Variants in PEBP4 observed in about 807,000 individuals in gnomAD.
PEBP4 encodes the protein phosphatidylethanolamine binding protein 4, also known as phosphatidylethanolamine-binding protein 4.
In PEBP4, 22 loss-of-function variants were observed where a neutral mutation model predicts 23.9. That is an observed-to-expected ratio of 0.92 (90% CI 0.66 to 1.31). PEBP4 has a LOEUF of 1.31. Among genes scored for constraint, PEBP4 ranks in the 40% most tolerant of loss-of-function variants. The pLI is 0.00. For synonymous variants in PEBP4, 112 were observed against 99.3 expected (o/e 1.13, Z -0.76); for missense variants, 324 against 281.7 (o/e 1.15, Z -1.07).
At chr8:22,769,798 C>G (rs187452581) in intron 4 of PEBP4, among the ~76,000 whole-genome samples, 1 of 152,216 alleles carries the variant, frequency 6.6e-6, no homozygotes. Context: ...GAAATATGCT[C>G]AGTGTAGAAA....
At chr8:22,764,458 G>A (rs1159194456) in intron 4 of PEBP4, among the ~76,000 whole-genome samples, 3 of 152,286 alleles carry the variant, frequency 2.0e-5, no homozygotes, top group Admixed American at 6.5e-5. Flanking sequence ...ACTGTGCACC[G>A]CGTATGCCAG....
intron 4 of PEBP4, among the ~76,000 whole-genome samples, chr8:22,796,850 A>C (rs912617081): frequency 6.6e-6 from 1 of 152,120 alleles, no homozygotes; most frequent in Non-Finnish European, 1.5e-5. Context: ...TACAATGTAC[A>C]CTATTTGGGT....
chr8:22,793,251 A>T (rs938616842), intron 4 of PEBP4, among the ~76,000 whole-genome samples: 3 of 151,988 alleles, frequency 2.0e-5, no homozygotes, highest in African/African-American at 4.8e-5. Context: ...ACCTTCAACC[A>T]TTTTAATGGT....
intron 3 of PEBP4, among the ~76,000 whole-genome samples, chr8:22,825,683 A>G (rs1013132133): frequency 6.6e-6 from 1 of 152,194 alleles, no homozygotes; most frequent in Admixed American, 6.5e-5. Flanking sequence ...TAGACATACC[A>G]TAAAAATAAG....
chr8:22,909,972 A>C (rs1342383329), intron 3 of PEBP4, among the ~76,000 whole-genome samples: 1 of 152,240 alleles, frequency 6.6e-6, no homozygotes, highest in Non-Finnish European at 1.5e-5. Context: ...TCCAGGCTCT[A>C]GTCTCACCAC....
At chr8:22,787,162 G>T (rs770384551) in intron 4 of PEBP4, among the ~76,000 whole-genome samples, 1 of 152,298 alleles carries the variant, frequency 6.6e-6, no homozygotes, top group South Asian at 2.1e-4. Context: ...TGATGTTTGG[G>T]CAGGAGAGGA....
At chr8:22,936,842 A>T (rs1320353528) in intron 1 of PEBP4, among the ~76,000 whole-genome samples, 1 of 152,216 alleles carries the variant, frequency 6.6e-6, no homozygotes, top group Non-Finnish European at 1.5e-5. Context: ...TAATAGAATG[A>T]AGGAAAAATA....
intron 4 of PEBP4, among the ~76,000 whole-genome samples, chr8:22,776,791 G>A (rs1468850505): frequency 2.7e-5 from 4 of 148,548 alleles, no homozygotes; most frequent in South Asian, 2.2e-4. Flanking sequence ...TCGGGCATCC[G>A]AGATATTGGT....
chr8:22,849,672 G>A (rs1807511591), intron 3 of PEBP4, among the ~76,000 whole-genome samples: 2 of 152,204 alleles, frequency 1.3e-5, no homozygotes, highest in Non-Finnish European at 2.9e-5. Context: ...GACATCCTGG[G>A]TGTCACCTGC....
intron 4 of PEBP4, among the ~76,000 whole-genome samples, chr8:22,771,140 T>C (rs927553226): frequency 2.0e-5 from 3 of 152,216 alleles, no homozygotes; most frequent in Non-Finnish European, 4.4e-5. Context: ...AGGCATTTGA[T>C]AAATACCTGC....
intron 4 of PEBP4, among the ~76,000 whole-genome samples, chr8:22,792,771 A>G (rs1806164669): frequency 6.6e-6 from 1 of 151,928 alleles, no homozygotes; most frequent in African/African-American, 2.4e-5. Flanking sequence ...CTAATCTGTA[A>G]TTGCAAGCAG....
intron 3 of PEBP4, among the ~76,000 whole-genome samples, chr8:22,854,984 ATG>A (rs1807611905): frequency 7.5e-6 from 1 of 133,480 alleles, no homozygotes; most frequent in Admixed American, 7.3e-5. Context: ...ATGAGTGTGT[ATG>A]TGTGAGTATG....
intron 4 of PEBP4, among the ~76,000 whole-genome samples, chr8:22,739,103 A>C (rs984006506): frequency 6.6e-6 from 1 of 151,890 alleles, no homozygotes; most frequent in Non-Finnish European, 1.5e-5. Context: ...AGTGAGACCT[A>C]AGCTGCTCTG....
chr8:22,831,905 G>A (rs1379220776), intron 3 of PEBP4, among the ~76,000 whole-genome samples: 1 of 152,068 alleles, frequency 6.6e-6, no homozygotes, highest in Non-Finnish European at 1.5e-5. Context: ...AGCCCAGCAA[G>A]ATTGATGAGG....
At chr8:22,892,193 GAATAGTTTTCTA>G (rs1808509243) in intron 3 of PEBP4, among the ~76,000 whole-genome samples, 1 of 152,110 alleles carries the variant, frequency 6.6e-6, no homozygotes, top group South Asian at 2.1e-4. Flanking sequence ...TAAAATATCT[GAATAGTTTTCTA>G]AGTAATATCT....
At chr8:22,769,366 G>A (rs928376534) in intron 4 of PEBP4, among the ~76,000 whole-genome samples, 3 of 152,216 alleles carry the variant, frequency 2.0e-5, no homozygotes, top group African/African-American at 7.2e-5. Context: ...CCTCCAGAGA[G>A]GGAGGGCCCC....
At chr8:22,860,619 T>G (rs549628642) in intron 3 of PEBP4, among the ~76,000 whole-genome samples, 2 of 152,264 alleles carry the variant, frequency 1.3e-5, no homozygotes, top group East Asian at 3.8e-4. Context: ...GTTGTGTTTA[T>G]GCATTCCCAT....
intron 2 of PEBP4, chr8:22,925,188 C>T: frequency 1.0e-6 from 1 of 985,452 alleles, no homozygotes; most frequent in Non-Finnish European, 1.2e-6. Context: ...CAAAGCTCCT[C>T]TTTTGCGATG....
At chr8:22,740,177 A>G (rs1280221966) in intron 4 of PEBP4, among the ~76,000 whole-genome samples, 1 of 152,226 alleles carries the variant, frequency 6.6e-6, no homozygotes, top group African/African-American at 2.4e-5. Flanking sequence ...GATGGAAGGA[A>G]AAAGAGACAG....
Sources: allele counts gnomAD v4.1 joint callset (sites outside exome capture counted in the v4.1 genomes callset), GRCh38; gene constraint gnomAD v4.1.1; transcripts MANE v1.5; gene names NCBI Gene and HGNC (gene_info 2026-07-23, HGNC 2026-07-21).